The following DSG4 variants were observed in gnomAD, a reference collection of about 807,000 sequenced individuals.
DSG4 encodes the protein desmoglein 4, also known as desmoglein-4.
Under a neutral mutation model 93.1 loss-of-function variants are expected in DSG4, and 87 were observed. The observed-to-expected ratio is 0.93, with a 90% confidence interval of 0.79 to 1.12. The LOEUF is 1.12. Among genes scored for constraint, DSG4 ranks in the 50% most tolerant of loss-of-function variants. The probability of loss-of-function intolerance (pLI) is 0.00; values close to 1 mark genes in which losing one functional copy is unlikely to be tolerated. For synonymous variants in DSG4, 432 were observed against 452.9 expected, an observed-to-expected ratio of 0.95 and a Z score of 0.59; for missense variants, 1,373 against 1,285.7, an observed-to-expected ratio of 1.07 and a Z score of -1.04.
At chr18:31,396,195 A>C (rs2072303361) in intron 8 of DSG4, among the ~76,000 whole-genome samples, 1 of 151,954 alleles carries the variant, frequency 6.6e-6, no homozygotes. Context: ...ACCCAATTGG[A>C]ATTCTAACAA....
At chr18:31,407,411 G>A (rs891299656) in intron 12 of DSG4, among the ~76,000 whole-genome samples, 13 of 152,218 alleles carry the variant, frequency 8.5e-5, no homozygotes, top group African/African-American at 2.9e-4. Flanking sequence ...ACTGGTCACA[G>A]AAGTGGAAAG....
chr18:31,376,876 T>A lies in DSG4; in HGVS notation c.-36T>A. On this transcript the variant is annotated 5_prime_UTR_variant, in exon 1 of 16. Transcript: ENST00000308128. ...TGAGAAGACGAGGGCTCAAATTGAA[T>A]CTCACAGGATTTGCGTGCAAGAGAA... 6.2e-7 allele frequency: 1 copy of A among 1,612,942 alleles called. No individual in the cohort carries two copies. Among genetic ancestry groups the A allele is most frequent in the African/African-American group, 1.3e-5 (1 of 75,004 alleles).
chr18:31,389,577 T>C (rs2072226646), intron 5 of DSG4, among the ~76,000 whole-genome samples: 1 of 152,074 alleles, frequency 6.6e-6, no homozygotes. Context: ...TTAATTCTCC[T>C]GAACTTCTTT....
intron 12 of DSG4, among the ~76,000 whole-genome samples, chr18:31,408,049 T>C (rs2072446686): frequency 6.6e-6 from 1 of 152,164 alleles, no homozygotes; most frequent in Non-Finnish European, 1.5e-5. Flanking sequence ...TGAGAGTTGT[T>C]CAACTGATGG....
chr18:31,404,763 A>G (rs1421862613), intron 11 of DSG4, among the ~76,000 whole-genome samples: 1 of 152,218 alleles, frequency 6.6e-6, no homozygotes, highest in Non-Finnish European at 1.5e-5. Context: ...TTCCATTAAT[A>G]TCAAGTCAAC....
chr18:31,382,672 C>T (rs919861576), intron 1 of DSG4, among the ~76,000 whole-genome samples: 10 of 152,004 alleles, frequency 6.6e-5, no homozygotes, highest in Admixed American at 3.3e-4. Flanking sequence ...AAGTTCCTTC[C>T]GGGAGACCTG....
Position 31,409,311 on chromosome 18 carries a change from G to GA in DSG4, c.1934-134dup, listed in dbSNP as rs1332380337. On this transcript the variant is annotated intron_variant, in intron 12 of 15. Coordinates refer to ENST00000308128, the MANE Select transcript of DSG4 (RefSeq NM_177986.5). Reference sequence around the variant, plus strand: ...GATATGTATACTCAATCCCCTAAAGGAAAAAAATGAGATTTTCTTACATAT... The same window carrying GA: ...GATATGTATACTCAATCCCCTAAAGGAAAAAAAATGAGATTTTCTTACATAT... 4.3e-5 allele frequency: 55 copies of GA among 1,291,060 alleles called. 2 individuals are homozygous for GA. The East Asian group carries it at 1.2e-3, about 29-fold the overall frequency. 80.0% of individuals were successfully genotyped at this position (1,291,060 alleles called of 1,614,324 possible). A position where few individuals can be genotyped will look rare whatever the true frequency, so the allele number is the denominator to read the frequency against.
chr18:31,380,360 G>A (rs1436812699), intron 1 of DSG4, among the ~76,000 whole-genome samples: 2 of 152,236 alleles, frequency 1.3e-5, no homozygotes, highest in Middle Eastern at 3.4e-3. Flanking sequence ...AAGGAGTTCC[G>A]TATAGAGCAA....
At chr18:31,382,738 C>T (rs2072149130) in intron 1 of DSG4, among the ~76,000 whole-genome samples, 1 of 152,054 alleles carries the variant, frequency 6.6e-6, no homozygotes, top group Non-Finnish European at 1.5e-5. Flanking sequence ...ATCCTTAGAG[C>T]CAGCTGAGCA....
chr18:31,405,786 A>T (rs2144208189), intron 11 of DSG4, among the ~76,000 whole-genome samples: 1 of 152,156 alleles, frequency 6.6e-6, no homozygotes, highest in East Asian at 1.9e-4. Context: ...CAGGAGACTG[A>T]GGTGGGAGAA....
At chr18:31,390,611 A>C (rs376091646) in intron 5 of DSG4, 45 bp from the exon 6 acceptor site, 1 of 1,609,958 alleles carries the variant, frequency 6.2e-7, no homozygotes. Context: ...TGCTGAATTT[A>C]TTCTAAGAGT....
At chr18:31,399,211 C>A in intron 8 of DSG4, 61 bp from the exon 9 acceptor site, 1 of 1,605,852 alleles carries the variant, frequency 6.2e-7, no homozygotes, top group Non-Finnish European at 8.5e-7. Flanking sequence ...ACCATGGCTT[C>A]TTACTTTATC....
In DSG4 at chr18:31,399,518, A is replaced by G; in HGVS notation, c.1252A>G (p.Thr418Ala). 6.2e-7 allele frequency: 1 copy of G among 1,614,044 alleles called. No individual in the cohort carries two copies. The highest frequency in any genetic ancestry group is 8.5e-7 in the Non-Finnish European group (1 of 1,179,928). Residue 418 changes from threonine (T) to alanine (A), a missense_variant, in exon 9 of 16, where the codon ACA (threonine) becomes GCA (alanine). Coordinates refer to ENST00000308128, the MANE Select transcript of DSG4 (RefSeq NM_177986.5). Reference protein sequence around the residue: ...LGTYTAIDLDTGNPATDVRYI... With the variant: ...LGTYTAIDLDAGNPATDVRYI... ...CACATATACAGCCATAGATTTGGAC[A>G]CAGGAAACCCTGCAACAGATGTCAG... is the stretch of plus-strand genomic sequence containing the variant.
intron 14 of DSG4, 194 bp from the exon 15 acceptor site, chr18:31,411,037 T>C: frequency 2.7e-6 from 4 of 1,480,410 alleles, no homozygotes; most frequent in Non-Finnish European, 3.6e-6. Flanking sequence ...ACTCCCTCTG[T>C]GTAATTAATT....
rs377630288 is a variant in DSG4 at position 31,402,729 on chromosome 18, G to A, written c.1418-687G>A. 1.8e-4 allele frequency among the ~76,000 whole-genome samples: 28 copies of A among 152,234 alleles called. 1 individual carries two copies. The highest frequency in any genetic ancestry group is 5.8e-4 in the African/African-American group (24 of 41,560). ...AAGCAAAAAAAATTCCGTATTCGCT[G>A]TAACAGAACATAGAGTAGAAAAGTG... On this transcript the variant is annotated intron_variant, in intron 10 of 15. Coordinates refer to ENST00000308128, the MANE Select transcript of DSG4 (RefSeq NM_177986.5).
At chr18:31,380,384 T>A (rs1206289272) in intron 1 of DSG4, among the ~76,000 whole-genome samples, 1 of 152,226 alleles carries the variant, frequency 6.6e-6, no homozygotes, top group African/African-American at 2.4e-5. Context: ...AACCGTTGTT[T>A]AAGCTGCAGT....
In DSG4 at chr18:31,414,758, C is replaced by T. The variant is rs189035887; in HGVS notation, c.*1163C>T. Reference sequence around the variant, plus strand: ...AAATGGAAACACATTGCTTACTTTTCGTAGGCATAAAGCTGACTTGAGAAA... The same window carrying T: ...AAATGGAAACACATTGCTTACTTTTTGTAGGCATAAAGCTGACTTGAGAAA... On this transcript the variant is annotated 3_prime_UTR_variant, in exon 16 of 16. Coordinates refer to ENST00000308128, the MANE Select transcript of DSG4 (RefSeq NM_177986.5). 1.3e-5 allele frequency: 2 copies of T among 152,170 alleles called. No homozygotes were observed. The highest frequency in any genetic ancestry group is 2.1e-4 in the South Asian group (1 of 4,826). The allele number at this position is 152,170 out of a possible 1,614,324, so 9.4% of individuals were successfully genotyped here. A position where few individuals can be genotyped will look rare whatever the true frequency, so the allele number is the denominator to read the frequency against.
chr18:31,392,053 C>T (rs762399045), intron 7 of DSG4, 102 bp from the exon 8 acceptor site: 67 of 1,109,362 alleles, frequency 6.0e-5, no homozygotes, highest in Non-Finnish European at 7.3e-5. Flanking sequence ...CAAAAATCAT[C>T]GACATAGTTT....
intron 14 of DSG4, among the ~76,000 whole-genome samples, chr18:31,410,463 A>T (rs992885859): frequency 1.6e-4 from 24 of 152,002 alleles, no homozygotes; most frequent in African/African-American, 5.6e-4. Context: ...ATATCACAAA[A>T]TATACGTTAG....
Sources: gnomAD v4.1 joint callset for allele counts (sites outside exome capture counted in the v4.1 genomes callset) on GRCh38, gnomAD v4.1.1 for gene constraint, MANE v1.5 for transcripts, NCBI Gene and HGNC (gene_info 2026-07-23, HGNC 2026-07-21) for gene names.